Variants in XPO7 observed in about 807,000 individuals in gnomAD.
The protein encoded by XPO7 is exportin 7.
In XPO7, 21 loss-of-function variants were observed where a neutral mutation model predicts 144.3. The ratio of observed to expected loss-of-function variants is 0.15; its 90% CI spans 0.10 to 0.21. XPO7 has a LOEUF of 0.21. XPO7 is among the 10% of genes least tolerant of loss of function. The pLI is 1.00. For missense variants in XPO7, 808 were observed against 1,325.8 expected, an observed-to-expected ratio of 0.61 and a Z score of 6.06; for synonymous variants, 580 against 499.6, an observed-to-expected ratio of 1.16 and a Z score of -2.15.
intron 1 of XPO7, among the ~76,000 whole-genome samples, chr8:21,965,807 A>G (rs569482369): frequency 6.6e-6 from 1 of 152,190 alleles, no homozygotes; most frequent in Non-Finnish European, 1.5e-5. Flanking sequence ...GCTGTGTAAT[A>G]TATTTTAGGC....
chr8:21,922,535 G>C (rs1810322798), intron 1 of XPO7, among the ~76,000 whole-genome samples: 2 of 152,228 alleles, frequency 1.3e-5, no homozygotes, highest in South Asian at 4.1e-4. Context: ...ATTATGTTTA[G>C]TTGCCCTTCC....
chr8:21,919,974 C>T (rs1301718245), intron 1 of XPO7, among the ~76,000 whole-genome samples, 186 bp downstream of exon 1: 5 of 151,542 alleles, frequency 3.3e-5, no homozygotes, highest in Non-Finnish European at 5.9e-5. Flanking sequence ...GGCCGGGGGC[C>T]TTCTCCGTCC....
chr8:21,987,374 A>G (rs1812613911), intron 14 of XPO7, 98 bp downstream of exon 14: 3 of 1,509,948 alleles, frequency 2.0e-6, no homozygotes, highest in Non-Finnish European at 2.7e-6. Flanking sequence ...TAACCTCCAG[A>G]TTTCACGTAA....
chr8:21,982,194 C>A (rs548200201), intron 10 of XPO7, among the ~76,000 whole-genome samples: 5 of 152,162 alleles, frequency 3.3e-5, no homozygotes, highest in Non-Finnish European at 7.3e-5. Context: ...GATGCCCTCT[C>A]TTTCTTAGTC....
chr8:21,947,033 C>T (rs1471025421), intron 1 of XPO7, among the ~76,000 whole-genome samples: 1 of 152,120 alleles, frequency 6.6e-6, no homozygotes. Flanking sequence ...AAGGAACTTC[C>T]ATAAGGGATA....
chr8:21,944,837 C>T (rs1277536682), intron 1 of XPO7, among the ~76,000 whole-genome samples: 4 of 152,180 alleles, frequency 2.6e-5, no homozygotes, highest in Non-Finnish European at 5.9e-5. Context: ...CTTCAAGCAT[C>T]TGTTTAACAA....
At chr8:21,978,321 A>G (rs1369142778) in intron 8 of XPO7, among the ~76,000 whole-genome samples, 4 of 152,210 alleles carry the variant, frequency 2.6e-5, no homozygotes, top group African/African-American at 9.7e-5. Flanking sequence ...GCCATAATTA[A>G]CCTAAAACCT....
At chr8:21,978,466 C>A (rs1277016987) in intron 8 of XPO7, among the ~76,000 whole-genome samples, 1 of 152,168 alleles carries the variant, frequency 6.6e-6, no homozygotes, top group Non-Finnish European at 1.5e-5. Flanking sequence ...AGTGTTTGTT[C>A]AGTAGAGGAC....
chr8:21,960,000 A>G (rs923560550), intron 1 of XPO7, among the ~76,000 whole-genome samples: 64 of 152,168 alleles, frequency 4.2e-4, no homozygotes, highest in Non-Finnish European at 7.4e-5. Context: ...CTGTTGTCCT[A>G]TCATGCATGA....
At chr8:21,971,288 A>G (rs959736013) in intron 4 of XPO7, among the ~76,000 whole-genome samples, 6 of 152,212 alleles carry the variant, frequency 3.9e-5, no homozygotes, top group African/African-American at 1.4e-4. Flanking sequence ...TGTCGCCATC[A>G]TTCAGTGACT....
intron 5 of XPO7, 21 bp from the exon 6 acceptor site, chr8:21,974,649 G>T (rs1363812701): frequency 6.5e-7 from 1 of 1,529,166 alleles, no homozygotes; most frequent in South Asian, 1.3e-5. Context: ...CTTTGCATTG[G>T]TTTCTTCTTT....
In XPO7 at chr8:21,987,184, G is replaced by A. The variant is rs1812606598; in HGVS notation, c.1621G>A (p.Ala541Thr). 2 of 1,613,894 alleles carry A rather than the reference G, an allele frequency of 1.2e-6. No individual in the cohort carries two copies. The highest frequency in any genetic ancestry group is 3.3e-5 in the Admixed American group (2 of 60,006). Residue 541 changes from alanine (A) to threonine (T), a missense_variant, in exon 14 of 28, where the codon GCG becomes ACG. By Grantham distance (58) the Ala-to-Thr change is moderately conservative. Coordinates refer to ENST00000252512, the MANE Select transcript of XPO7 (RefSeq NM_015024.5). ...MNLTDSRLAQ[A>T]GNEKLELAML... ...CCTAACAGATTCTCGTTTGGCCCAG[G>A]CGGGTAATGAGAAGCTAGAGTTGGC... is the stretch of plus-strand genomic sequence containing the variant.
chr8:21,996,578 T>C (rs1262208265), intron 21 of XPO7, among the ~76,000 whole-genome samples: 2 of 152,166 alleles, frequency 1.3e-5, no homozygotes, highest in African/African-American at 4.8e-5. Flanking sequence ...ATATGATAGA[T>C]ATTAGAATAC....
intron 12 of XPO7, among the ~76,000 whole-genome samples, 196 bp from the exon 13 acceptor site, chr8:21,985,388 GAT>G (rs779267246): frequency 3.3e-5 from 5 of 152,212 alleles, no homozygotes; most frequent in Non-Finnish European, 5.9e-5. Flanking sequence ...GGCCTTGTCT[GAT>G]ACAGGAACAT....
chr8:21,980,840 G>A lies in XPO7; in HGVS notation c.957+637G>A, dbSNP rs536525102. ...TTACCATTTTTAAAAAATGTTTATC[G>A]GTAACCTAAGTATATAGGGCTGCTT... On this transcript the variant is annotated intron_variant, in intron 9 of 27. Coordinates refer to ENST00000252512, the MANE Select transcript of XPO7 (RefSeq NM_015024.5). Among the ~76,000 whole-genome samples, 67 of 151,306 alleles carry A rather than the reference G, an allele frequency of 4.4e-4. 1 individual carries two copies. In the South Asian group the frequency reaches 0.012, roughly 26 times the overall value.
rs780886276 is a variant in XPO7, at chr8:21,982,817, G to A, written c.1277+5G>A. 3 of 1,593,722 alleles carry A rather than the reference G, an allele frequency of 1.9e-6. No homozygotes were observed. The highest frequency in any genetic ancestry group is 1.1e-5 in the South Asian group (1 of 87,170). On this transcript the variant is annotated splice_donor_5th_base_variant and intron_variant, in intron 11 of 27. Transcript: ENST00000252512. ...ATCTGTGCACATCATACTGAGGTAAGGAAACTTAGCCTCATTCATTCCCGC... is the reference window on the plus strand; with the variant it reads ...ATCTGTGCACATCATACTGAGGTAAAGAAACTTAGCCTCATTCATTCCCGC...
intron 19 of XPO7, 142 bp from the exon 20 acceptor site, chr8:21,994,221 G>C (rs1459777657): frequency 3.6e-6 from 2 of 550,728 alleles, no homozygotes; most frequent in African/African-American, 3.8e-5. Context: ...TAGCATAGAA[G>C]ATATTGAATC....
rs972267520 is a variant in XPO7, at chr8:22,006,225, A to C, written c.*1137A>C. ...TTAACATTCTCCCATCCCTTAAAAA[A>C]TATACATTTTTATAAAATGAAAACC... On this transcript the variant is annotated 3_prime_UTR_variant, in exon 28 of 28. Transcript: ENST00000252512. The C allele has an allele frequency of 6.6e-6, 1 of 152,214 alleles. No individual in the cohort carries two copies. The highest frequency in any genetic ancestry group is 2.4e-5 in the African/African-American group (1 of 41,446). 9.4% of individuals were successfully genotyped at this position (152,214 alleles called of 1,614,324 possible). A position where few individuals can be genotyped will look rare whatever the true frequency, so the allele number is the denominator to read the frequency against.
At chr8:21,939,152 G>A (rs1810911748) in intron 1 of XPO7, among the ~76,000 whole-genome samples, 2 of 151,168 alleles carry the variant, frequency 1.3e-5, no homozygotes, top group African/African-American at 4.9e-5. Flanking sequence ...CTAAAAAATA[G>A]GTGTACGCTT....
Sources: gnomAD v4.1 joint callset for allele counts (sites outside exome capture counted in the v4.1 genomes callset) on GRCh38, gnomAD v4.1.1 for gene constraint, MANE v1.5 for transcripts, NCBI Gene and HGNC (gene_info 2026-07-23, HGNC 2026-07-21) for gene names.